The following FAM234A variants were observed in gnomAD, a reference collection of about 807,000 sequenced individuals.
FAM234A encodes the protein protein FAM234A.
In FAM234A, 42 loss-of-function variants were observed where a neutral mutation model predicts 49.1. The ratio of observed to expected loss-of-function variants is 0.86; its 90% CI spans 0.67 to 1.11. The LOEUF (loss-of-function observed/expected upper bound fraction) is 1.11. FAM234A is among the 50% of genes least tolerant of loss of function. The pLI, the probability that FAM234A is intolerant of heterozygous loss-of-function variation, is 0.00. For synonymous variants in FAM234A, 369 were observed against 316.2 expected (o/e 1.17, Z -1.77); for missense variants, 815 against 745.2 (o/e 1.09, Z -1.09).
chr16:244,157 A>G (rs2050715780), intron 1 of FAM234A, among the ~76,000 whole-genome samples: 1 of 151,964 alleles, frequency 6.6e-6, no homozygotes, highest in Non-Finnish European at 1.5e-5. Flanking sequence ...TTTAGTAGAG[A>G]TGGGGTTTCA....
chr16:268,330 G>A (rs144964434), downstream of FAM234A: 6 of 253,124 alleles, frequency 2.4e-5, no homozygotes, highest in Non-Finnish European at 4.7e-5. Flanking sequence ...AGGGCCCAAG[G>A]GTCTTTTATT....
downstream of FAM234A, chr16:269,640 GCTCCACCCGA>G (rs2051826068): frequency 2.2e-6 from 3 of 1,356,806 alleles, no homozygotes; most frequent in East Asian, 6.9e-5. Context: ...CTCTCAGCCA[GCTCCACCCGA>G]AGGAGCAGCC....
chr16:252,261 A>C (rs1372535841), intron 2 of FAM234A, among the ~76,000 whole-genome samples: 1 of 148,256 alleles, frequency 6.7e-6, no homozygotes, highest in African/African-American at 2.5e-5. Context: ...GGCTCACTAC[A>C]ACCTCTGCCT....
chr16:255,378 G>C (rs8049265), intron 3 of FAM234A, among the ~76,000 whole-genome samples: 46,461 of 151,972 alleles, frequency 0.31, 9,145 homozygotes, highest in African/African-American at 0.55. Context: ...CTAAAAGATT[G>C]CTCAAGAGGC....
At chr16:244,980 T>C (rs2141209453) in intron 1 of FAM234A, among the ~76,000 whole-genome samples, 1 of 151,674 alleles carries the variant, frequency 6.6e-6, no homozygotes, top group East Asian at 2.0e-4. Context: ...GCATGAGCCA[T>C]CGCGCTCGAC....
At chr16:245,205 G>A (rs371898620) in intron 1 of FAM234A, among the ~76,000 whole-genome samples, 2 of 151,956 alleles carry the variant, frequency 1.3e-5, no homozygotes, top group African/African-American at 2.4e-5. Flanking sequence ...AAATTTGCCC[G>A]GCGCGGTGAT....
chr16:246,689 T>C (rs917164536), intron 1 of FAM234A, among the ~76,000 whole-genome samples: 3 of 151,382 alleles, frequency 2.0e-5, no homozygotes, highest in African/African-American at 7.3e-5. Flanking sequence ...AAAGTGCTGG[T>C]ATTACAGGCG....
At chr16:244,403 C>T (rs1345915858) in intron 1 of FAM234A, among the ~76,000 whole-genome samples, 2 of 152,078 alleles carry the variant, frequency 1.3e-5, no homozygotes, top group African/African-American at 4.8e-5. Flanking sequence ...GATATTCTTC[C>T]AAAAATAAAC....
intron 1 of FAM234A, among the ~76,000 whole-genome samples, chr16:248,985 G>C (rs1489168585): frequency 6.6e-6 from 1 of 151,980 alleles, no homozygotes; most frequent in Non-Finnish European, 1.5e-5. Flanking sequence ...TACATTAATA[G>C]TAATTGTCTT....
intron 8 of FAM234A, 32 bp downstream of exon 8, chr16:262,585 G>A (rs1338781396): frequency 1.3e-6 from 2 of 1,549,436 alleles, no homozygotes; most frequent in Admixed American, 3.8e-5. Flanking sequence ...TCTCCATGCA[G>A]AGCGCCCACC....
At chr16:263,195 A>AGCCTCCACTGGGTGCCTGAG (rs1280585738) in intron 8 of FAM234A, 67 bp from the exon 9 acceptor site, 2 of 1,575,118 alleles carry the variant, frequency 1.3e-6, no homozygotes, top group African/African-American at 2.7e-5. Flanking sequence ...GCGGTGCCAG[A>AGCCTCCACTGGGTGCCTGAG]GCCTCCACTG....
chr16:267,841 A>G (rs2051739939), downstream of FAM234A, among the ~76,000 whole-genome samples: 2 of 142,956 alleles, frequency 1.4e-5, no homozygotes, highest in Non-Finnish European at 3.0e-5. Context: ...ATGCGTACAC[A>G]CCACACGTGT....
chr16:265,304 T>A lies in FAM234A; in HGVS notation c.*282T>A. ...AGGGTCCCGCTCACACCAGGCAGCC[T>A]TCATAGTGGTCTCCCTGGCCACCTT... is the stretch of plus-strand genomic sequence containing the variant. On this transcript the variant is annotated 3_prime_UTR_variant, in exon 13 of 13. Coordinates refer to ENST00000399932, the MANE Select transcript of FAM234A (RefSeq NM_032039.4). The A allele has an allele frequency of 8.1e-7, 1 of 1,237,748 alleles. No homozygotes were observed. The highest frequency in any genetic ancestry group is 1.0e-6 in the Non-Finnish European group (1 of 985,962). The allele number at this position is 1,237,748 out of a possible 1,614,324, so 76.7% of individuals were successfully genotyped here. A position where few individuals can be genotyped will look rare whatever the true frequency, so the allele number is the denominator to read the frequency against.
intron 1 of FAM234A, among the ~76,000 whole-genome samples, chr16:244,794 T>G (rs1166118579): frequency 1.3e-5 from 2 of 150,878 alleles, no homozygotes; most frequent in Non-Finnish European, 3.0e-5. Context: ...TTCAAGTGAT[T>G]CTCCTGCCTC....
intron 1 of FAM234A, among the ~76,000 whole-genome samples, chr16:240,500 GTA>G (rs1374696117): frequency 0.022 from 3,227 of 147,902 alleles, 100 homozygotes; most frequent in African/African-American, 0.076. Context: ...GCATCTGGGT[GTA>G]TTTTTTTTTT....
At chr16:258,042 G>A (rs951278884) in intron 3 of FAM234A, among the ~76,000 whole-genome samples, 1 of 151,900 alleles carries the variant, frequency 6.6e-6, no homozygotes, top group African/African-American at 2.4e-5. Flanking sequence ...ATTTTTAGTA[G>A]AGAAGGTTTC....
chr16:238,811 G>C (rs966810020), intron 1 of FAM234A, among the ~76,000 whole-genome samples: 39 of 141,356 alleles, frequency 2.8e-4, no homozygotes, highest in African/African-American at 9.5e-4. Flanking sequence ...CTGGCTGGGC[G>C]TGGTGGCTCA....
chr16:266,599 T>C (rs1488921258), downstream of FAM234A, among the ~76,000 whole-genome samples: 2 of 152,112 alleles, frequency 1.3e-5, no homozygotes, highest in African/African-American at 4.8e-5. Context: ...TGTATGCAAG[T>C]GTGAAAAGCC....
intron 1 of FAM234A, among the ~76,000 whole-genome samples, chr16:235,655 A>G (rs1369903784): frequency 6.6e-6 from 1 of 152,146 alleles, no homozygotes; most frequent in Non-Finnish European, 1.5e-5. Context: ...CGGCGCCAGC[A>G]TCAGATTACA....
Sources: gnomAD v4.1 joint callset for allele counts (sites outside exome capture counted in the v4.1 genomes callset) on GRCh38, gnomAD v4.1.1 for gene constraint, MANE v1.5 for transcripts, NCBI Gene and HGNC (gene_info 2026-07-23, HGNC 2026-07-21) for gene names.